Variants in RABGAP1L observed in about 807,000 individuals in gnomAD.
RABGAP1L encodes the protein rab GTPase-activating protein 1-like.
RABGAP1L carries 63 observed loss-of-function variants against 137.7 expected under a neutral mutation model. The ratio of observed to expected loss-of-function variants is 0.46; its 90% confidence interval spans 0.37 to 0.56. The LOEUF (loss-of-function observed/expected upper bound fraction) is 0.56. Among genes scored for constraint, RABGAP1L ranks in the 20% least tolerant of loss-of-function variants. The pLI, the probability that RABGAP1L is intolerant of heterozygous loss-of-function variation, is 0.00. For synonymous variants in RABGAP1L, 431 were observed against 433.7 expected (o/e 0.99, Z 0.08); for missense variants, 1,095 against 1,244.0 (o/e 0.88, Z 1.80).
At chr1:174,406,110 A>C (rs1157782617) in intron 13 of RABGAP1L, among the ~76,000 whole-genome samples, 1 of 152,166 alleles carries the variant, frequency 6.6e-6, no homozygotes, top group Non-Finnish European at 1.5e-5. Flanking sequence ...ATTTTTTTAC[A>C]GAATAATTTA....
chr1:174,904,364 A>T (rs1449669261), intron 19 of RABGAP1L, among the ~76,000 whole-genome samples: 1 of 152,088 alleles, frequency 6.6e-6, no homozygotes, highest in Non-Finnish European at 1.5e-5. Context: ...GAACAAGACT[A>T]TGTCTCTAAA....
At chr1:174,691,221 A>G (rs996332380) in intron 15 of RABGAP1L, among the ~76,000 whole-genome samples, 2 of 152,210 alleles carry the variant, frequency 1.3e-5, no homozygotes, top group Non-Finnish European at 2.9e-5. Context: ...TGTGAAACAC[A>G]TCATGTGAAG....
intron 14 of RABGAP1L, among the ~76,000 whole-genome samples, chr1:174,680,117 A>G (rs1677941427): frequency 6.6e-6 from 1 of 152,256 alleles, no homozygotes; most frequent in Non-Finnish European, 1.5e-5. Flanking sequence ...AGCATTAAGA[A>G]AATGAAAATG....
intron 13 of RABGAP1L, among the ~76,000 whole-genome samples, chr1:174,623,114 G>A: frequency 6.6e-6 from 1 of 152,268 alleles, no homozygotes; most frequent in African/African-American, 2.4e-5. Flanking sequence ...TTTAGCTTTG[G>A]AGGTTCTACA....
chr1:174,807,647 A>T lies in RABGAP1L; in HGVS notation c.2212-4185A>T, dbSNP rs1212585029. Reference sequence around the variant, plus strand: ...TCAGAATCAAAGTAGGACTAACTACAGGTTGTCTTCTAGAATACTGGCAGC... The same window carrying T: ...TCAGAATCAAAGTAGGACTAACTACTGGTTGTCTTCTAGAATACTGGCAGC... On this transcript the variant is annotated intron_variant, in intron 18 of 25. Coordinates refer to ENST00000681986, the MANE Select transcript of RABGAP1L (RefSeq NM_001366446.1). Among the ~76,000 whole-genome samples the T allele has an allele frequency of 2.6e-5, 4 of 152,254 alleles. No homozygotes were observed. In the East Asian group the frequency reaches 7.7e-4, roughly 29 times the overall value.
intron 12 of RABGAP1L, among the ~76,000 whole-genome samples, chr1:174,378,637 G>GT (rs1268753818): frequency 6.6e-6 from 1 of 152,008 alleles, no homozygotes; most frequent in Admixed American, 6.5e-5. Context: ...GGGATTGTTT[G>GT]TTTTTTTCTT....
chr1:174,644,764 G>A (rs935422757), intron 14 of RABGAP1L, among the ~76,000 whole-genome samples: 2 of 152,030 alleles, frequency 1.3e-5, no homozygotes, highest in African/African-American at 4.8e-5. Flanking sequence ...TAATTGTTAT[G>A]CAGTTGACAA....
intron 25 of RABGAP1L, among the ~76,000 whole-genome samples, chr1:174,989,219 A>C (rs2149400607): frequency 6.6e-6 from 1 of 152,262 alleles, no homozygotes; most frequent in Non-Finnish European, 1.5e-5. Flanking sequence ...ATTGGCTGAC[A>C]CCCGTTCTTT....
chr1:174,670,671 C>G (rs531009732), intron 14 of RABGAP1L, among the ~76,000 whole-genome samples: 30 of 152,234 alleles, frequency 2.0e-4, no homozygotes, highest in Admixed American at 1.2e-3. Flanking sequence ...CTGTGCCTGG[C>G]TTATTTCACT....
At chr1:174,669,378 C>G (rs982431774) in intron 14 of RABGAP1L, among the ~76,000 whole-genome samples, 1 of 152,122 alleles carries the variant, frequency 6.6e-6, no homozygotes, top group Admixed American at 6.6e-5. Flanking sequence ...GGTGGGGACA[C>G]AGCCAAATCA....
At chr1:174,396,892 A>T (rs1205919975) in intron 13 of RABGAP1L, among the ~76,000 whole-genome samples, 2 of 151,386 alleles carry the variant, frequency 1.3e-5, no homozygotes, top group African/African-American at 4.9e-5. Flanking sequence ...TAATTCCAAC[A>T]GTTTGGAAGG....
intron 14 of RABGAP1L, among the ~76,000 whole-genome samples, chr1:174,649,096 T>C (rs909679812): frequency 6.6e-6 from 1 of 152,066 alleles, no homozygotes; most frequent in African/African-American, 2.4e-5. Context: ...GTCTGTGTCT[T>C]TGCACATGAG....
At chr1:174,911,650 G>A (rs1357432607) in intron 19 of RABGAP1L, among the ~76,000 whole-genome samples, 2 of 152,136 alleles carry the variant, frequency 1.3e-5, no homozygotes, top group African/African-American at 4.8e-5. Flanking sequence ...TATTGTTATA[G>A]AAGTTAAAGC....
At chr1:174,791,840 A>G (rs2148798929) in intron 18 of RABGAP1L, among the ~76,000 whole-genome samples, 1 of 152,322 alleles carries the variant, frequency 6.6e-6, no homozygotes, top group South Asian at 2.1e-4. Flanking sequence ...TTGAGAAGGC[A>G]GATGTGCTTT....
chr1:174,255,485 A>C (rs914813770), intron 7 of RABGAP1L, among the ~76,000 whole-genome samples: 11 of 152,160 alleles, frequency 7.2e-5, no homozygotes, highest in Non-Finnish European at 1.6e-4. Flanking sequence ...AGTGTTACCA[A>C]AATCTCAGAT....
intron 17 of RABGAP1L, among the ~76,000 whole-genome samples, chr1:174,738,950 T>C (rs2148644690): frequency 6.6e-6 from 1 of 152,324 alleles, no homozygotes. Flanking sequence ...TTAAATTGTT[T>C]TTGTTTTGTC....
chr1:174,200,829 T>A (rs1487222237), intron 1 of RABGAP1L, among the ~76,000 whole-genome samples: 1 of 152,236 alleles, frequency 6.6e-6, no homozygotes, highest in African/African-American at 2.4e-5. Flanking sequence ...TGCATTTATA[T>A]AAATAACCTT....
chr1:174,199,765 A>C (rs1179300572), intron 1 of RABGAP1L, among the ~76,000 whole-genome samples: 7 of 152,220 alleles, frequency 4.6e-5, no homozygotes, highest in Admixed American at 4.6e-4. Context: ...TGAGTCAAAA[A>C]TCAGTGTTGA....
chr1:174,640,586 T>G (rs1258610113), intron 14 of RABGAP1L, among the ~76,000 whole-genome samples: 1 of 152,016 alleles, frequency 6.6e-6, no homozygotes, highest in African/African-American at 2.4e-5. Context: ...ATAACTAGCA[T>G]TATACCTCAC....
Sources: allele counts gnomAD v4.1 joint callset (sites outside exome capture counted in the v4.1 genomes callset), GRCh38; gene constraint gnomAD v4.1.1; transcripts MANE v1.5; gene names NCBI Gene and HGNC (gene_info 2026-07-23, HGNC 2026-07-21).